ABCG1: variants seen among roughly 807,000 people sequenced by gnomAD.
ABCG1 encodes the protein ATP-binding cassette sub-family G member 1.
Under a neutral mutation model 69.2 loss-of-function variants are expected in ABCG1, and 29 were observed. The ratio of observed to expected loss-of-function variants is 0.42; its 90% CI spans 0.31 to 0.57. ABCG1 has a LOEUF of 0.57. Ranked by LOEUF, ABCG1 falls within the 20% of genes least tolerant of loss-of-function variation. The pLI is 0.15. For missense variants in ABCG1, 718 were observed against 898.1 expected (o/e 0.80, Z 2.56); for synonymous variants, 370 against 374.8 (o/e 0.99, Z 0.15).
chr21:42,216,384 G>T (rs1031383891), upstream of ABCG1, among the ~76,000 whole-genome samples: 1 of 148,148 alleles, frequency 6.8e-6, no homozygotes, highest in Non-Finnish European at 1.5e-5. Context: ...TTGCCTGGTT[G>T]ATCCTCAGGG....
chr21:42,252,972 C>T (rs2068246632), intron 2 of ABCG1, among the ~76,000 whole-genome samples: 1 of 152,078 alleles, frequency 6.6e-6, no homozygotes, highest in South Asian at 2.1e-4. Flanking sequence ...CAGCTGCCAC[C>T]TATGTGTTCT....
chr21:42,232,939 T>C (rs943275713), intron 2 of ABCG1, among the ~76,000 whole-genome samples: 1 of 152,204 alleles, frequency 6.6e-6, no homozygotes, highest in African/African-American at 2.4e-5. Flanking sequence ...AGATTAAATA[T>C]ATCCTGAAGG....
At chr21:42,231,815 G>A (rs955477832) in intron 2 of ABCG1, among the ~76,000 whole-genome samples, 1 of 152,244 alleles carries the variant, frequency 6.6e-6, no homozygotes, top group Non-Finnish European at 1.5e-5. Context: ...GCTTCTTTGA[G>A]GCTGTTGTGC....
intron 2 of ABCG1, among the ~76,000 whole-genome samples, chr21:42,230,673 C>G (rs962521742): frequency 7.9e-5 from 12 of 152,304 alleles, no homozygotes; most frequent in Admixed American, 7.2e-4. Flanking sequence ...ACACAAGGGT[C>G]TCATTTTATT....
intron 5 of ABCG1, among the ~76,000 whole-genome samples, chr21:42,281,373 G>A (rs1007614626): frequency 1.2e-4 from 18 of 152,182 alleles, no homozygotes; most frequent in African/African-American, 3.4e-4. Context: ...GGCTGACCCA[G>A]GGCCTGCTTC....
At chr21:42,202,157 G>T (rs4148087) in intron 2 of ABCG1, among the ~76,000 whole-genome samples, 2 of 152,050 alleles carry the variant, frequency 1.3e-5, no homozygotes, top group Non-Finnish European at 2.9e-5. Context: ...GTTTTGTTCC[G>T]GTTGGTCTGC....
chr21:42,247,937 G>A (rs984311629), intron 2 of ABCG1, among the ~76,000 whole-genome samples: 6 of 152,166 alleles, frequency 3.9e-5, no homozygotes, highest in South Asian at 2.1e-4. Context: ...TGGAGCCTCC[G>A]GAGGGAGTGT....
intron 2 of ABCG1, among the ~76,000 whole-genome samples, chr21:42,235,679 G>A (rs965233316): frequency 1.3e-5 from 2 of 152,226 alleles, no homozygotes; most frequent in Non-Finnish European, 2.9e-5. Flanking sequence ...TCTGGGTTAC[G>A]ATACGGGGCT....
At chr21:42,284,431 C>A (rs1034541904) in intron 6 of ABCG1, 129 bp from the exon 7 acceptor site, 2 of 1,156,980 alleles carry the variant, frequency 1.7e-6, no homozygotes, top group African/African-American at 1.5e-5. Context: ...CGGCCTGGGA[C>A]GGGGCAGCTG....
chr21:42,248,531 C>G (rs56303704), intron 2 of ABCG1, among the ~76,000 whole-genome samples: 1 of 152,166 alleles, frequency 6.6e-6, no homozygotes, highest in African/African-American at 2.4e-5. Context: ...ATACAGCGCT[C>G]TCAGCAGCAC....
In ABCG1 at chr21:42,287,137, A is replaced by T. The variant is rs1443906566; in HGVS notation, c.974-752A>T. ...TGGAGTGGGAGGCAAGGCATCGCAC[A>T]GGGAGGACACAGAGGCAGGAGAGGG... is the stretch of plus-strand genomic sequence containing the variant. On this transcript the variant is annotated intron_variant, in intron 8 of 14. Coordinates refer to ENST00000398449, the MANE Select transcript of ABCG1 (RefSeq NM_016818.3). This position sits in a 1 kb window ranked among gnomAD's most constrained non-coding sequence, Gnocchi z 6.2. 2.0e-5 allele frequency among the ~76,000 whole-genome samples: 3 copies of T among 152,192 alleles called. No homozygotes were observed. Among genetic ancestry groups the T allele is most frequent in the Non-Finnish European group, 4.4e-5 (3 of 68,028 alleles).
chr21:42,267,637 G>T (rs111213058), intron 2 of ABCG1, among the ~76,000 whole-genome samples: 3 of 124,402 alleles, frequency 2.4e-5, no homozygotes, highest in Admixed American at 7.8e-5. Flanking sequence ...GTCTGGGTGT[G>T]GTCTGGGTTC....
Position 42,219,249 on chromosome 21 carries a change from G to T in ABCG1, c.-14G>T. 1 of 1,527,922 alleles carries T rather than the reference G, an allele frequency of 6.5e-7. No homozygotes were observed. The highest frequency in any genetic ancestry group is 8.7e-7 in the Non-Finnish European group (1 of 1,145,352). 94.6% of individuals were successfully genotyped at this position (1,527,922 alleles called of 1,614,324 possible). A position where few individuals can be genotyped will look rare whatever the true frequency, so the allele number is the denominator to read the frequency against. Reference sequence around the variant, plus strand: ...CGCCGCCGCCGCCGCCGCCGCCGCCGCCGCCCCCGGGGCATGGCCTGTCTG... The same window carrying T: ...CGCCGCCGCCGCCGCCGCCGCCGCCTCCGCCCCCGGGGCATGGCCTGTCTG... On this transcript the variant is annotated 5_prime_UTR_variant, in exon 1 of 15. Transcript: ENST00000398449. This position sits in a 1 kb window ranked among gnomAD's most constrained non-coding sequence, Gnocchi z 5.3.
Position 42,291,326 on chromosome 21 carries a change from G to T in ABCG1, c.1494+134G>T. 8.6e-7 allele frequency: 1 copy of T among 1,167,436 alleles called. No homozygotes were observed. The allele number at this position is 1,167,436 out of a possible 1,614,324, so 72.3% of individuals were successfully genotyped here. ...TCGGGAGCTCTGGTGGGAGCTGCGG[G>T]GAAGGGCCTGACTTCGGGAGCTGTG... On this transcript the variant is annotated intron_variant, in intron 12 of 14. Transcript: ENST00000398449. This position sits in a 1 kb window ranked among gnomAD's most constrained non-coding sequence, Gnocchi z 6.4.
At chr21:42,223,472 TG>T (rs1408053726) in intron 1 of ABCG1, among the ~76,000 whole-genome samples, 3 of 151,948 alleles carry the variant, frequency 2.0e-5, no homozygotes, top group Non-Finnish European at 2.9e-5. Context: ...TAGGCACACA[TG>T]GGGAAAAGGC....
intron 10 of ABCG1, among the ~76,000 whole-genome samples, chr21:42,289,265 T>C (rs961122874): frequency 3.3e-5 from 5 of 152,232 alleles, no homozygotes; most frequent in Admixed American, 3.3e-4. Flanking sequence ...GTCCCATAAG[T>C]CTTCTCATCC....
At chr21:42,248,488 C>T (rs2123634439) in intron 2 of ABCG1, among the ~76,000 whole-genome samples, 1 of 152,270 alleles carries the variant, frequency 6.6e-6, no homozygotes, top group Admixed American at 6.5e-5. Context: ...AGATACGCAC[C>T]CTCTGTGGCC....
intron 6 of ABCG1, among the ~76,000 whole-genome samples, chr21:42,284,294 C>A (rs926281189): frequency 3.3e-5 from 5 of 150,408 alleles, no homozygotes; most frequent in African/African-American, 7.5e-5. Context: ...GACCCCCCCC[C>A]AGTCCTGGAC....
chr21:42,257,031 A>G (rs1050321757), intron 2 of ABCG1, among the ~76,000 whole-genome samples: 1 of 152,244 alleles, frequency 6.6e-6, no homozygotes, highest in Non-Finnish European at 1.5e-5. Context: ...GCCGGGCTCA[A>G]TGTGAGGCAT....
Sources: allele counts gnomAD v4.1 joint callset (sites outside exome capture counted in the v4.1 genomes callset), GRCh38; gene constraint gnomAD v4.1.1; non-coding constraint Gnocchi (gnomAD v3.1); transcripts MANE v1.5; gene names NCBI Gene and HGNC (gene_info 2026-07-23, HGNC 2026-07-21).